The following TMEM132C variants were observed in gnomAD, a reference collection of about 807,000 sequenced individuals.
TMEM132C encodes transmembrane protein 132C.
Under a neutral mutation model 61.4 loss-of-function variants are expected in TMEM132C, and 29 were observed. The ratio of observed to expected loss-of-function variants is 0.47; its 90% CI spans 0.35 to 0.64. TMEM132C has a LOEUF of 0.64. Ranked by LOEUF, TMEM132C falls within the 30% of genes least tolerant of loss-of-function variation. TMEM132C has a pLI of 0.00. For missense variants in TMEM132C, 1,408 were observed against 1,476.9 expected (o/e 0.95, Z 0.76); for synonymous variants, 656 against 633.1 (o/e 1.04, Z -0.54).
chr12:128,383,399 C>G (rs1015715209), intron 1 of TMEM132C, among the ~76,000 whole-genome samples: 1 of 152,170 alleles, frequency 6.6e-6, no homozygotes, highest in Non-Finnish European at 1.5e-5. Context: ...GAAACACGCT[C>G]CGGGTGCTAA....
intron 1 of TMEM132C, among the ~76,000 whole-genome samples, chr12:128,290,993 T>C: frequency 6.6e-6 from 1 of 152,196 alleles, no homozygotes; most frequent in East Asian, 1.9e-4. Flanking sequence ...AAATGGAAGT[T>C]TACATCTTTT....
chr12:128,666,893 A>T (rs551035112), intron 4 of TMEM132C, among the ~76,000 whole-genome samples: 1 of 152,226 alleles, frequency 6.6e-6, no homozygotes, highest in East Asian at 1.9e-4. Context: ...ACACGGTGAA[A>T]CCCCATCTCT....
At chr12:128,600,092 C>T (rs1793723271) in intron 3 of TMEM132C, among the ~76,000 whole-genome samples, 1 of 152,140 alleles carries the variant, frequency 6.6e-6, no homozygotes, top group African/African-American at 2.4e-5. Flanking sequence ...ACGCCATTCT[C>T]CTGCCTCAGC....
intron 1 of TMEM132C, among the ~76,000 whole-genome samples, chr12:128,316,306 A>G (rs1047157736): frequency 6.6e-6 from 1 of 152,138 alleles, no homozygotes; most frequent in Admixed American, 6.5e-5. Flanking sequence ...ACATCTTAGC[A>G]TTGCTGGCAA....
rs868697444 is a variant in TMEM132C at position 128,623,352 on chromosome 12, T to C, written c.1305+7017T>C. Among the ~76,000 whole-genome samples the C allele has an allele frequency of 9.6e-4, 146 of 151,892 alleles. 2 individuals carry two copies. The highest frequency in any genetic ancestry group is 3.2e-3 in the African/African-American group (132 of 41,354). ...GAAAGTAAAGCTATGTTCTGGCACA[T>C]GCATGCATATGTAACAAACCTGCAC... is the stretch of plus-strand genomic sequence containing the variant. On this transcript the variant is annotated intron_variant, in intron 4 of 8. Transcript: ENST00000435159.
chr12:128,682,312 G>C (rs2135641786), intron 5 of TMEM132C, among the ~76,000 whole-genome samples: 1 of 152,304 alleles, frequency 6.6e-6, no homozygotes, highest in Non-Finnish European at 1.5e-5. Context: ...TTTGTCGCCT[G>C]ATTGTTCCCT....
Position 128,576,148 on chromosome 12 carries a change from G to A in TMEM132C, c.1121+32045G>A, listed in dbSNP as rs540480538. ...TGCATGTCTGTAATCCCAGCTACTC[G>A]GGAGGGTGAGGCAGGAGAATCACCT... is the stretch of plus-strand genomic sequence containing the variant. On this transcript the variant is annotated intron_variant, in intron 3 of 8. Coordinates refer to ENST00000435159, the MANE Select transcript of TMEM132C (RefSeq NM_001136103.3). Among the ~76,000 whole-genome samples, 78 of 152,194 alleles carry A rather than the reference G, an allele frequency of 5.1e-4. 3 individuals are homozygous for A. In the South Asian group the frequency reaches 7.5e-3, roughly 15 times the overall value.
chr12:128,361,316 G>A (rs1873702467), intron 1 of TMEM132C, among the ~76,000 whole-genome samples: 2 of 152,280 alleles, frequency 1.3e-5, no homozygotes, highest in South Asian at 4.1e-4. Context: ...AAGGATGGGA[G>A]GATACTTGAA....
At chr12:128,336,841 C>T (rs1424564024) in intron 1 of TMEM132C, among the ~76,000 whole-genome samples, 1 of 152,184 alleles carries the variant, frequency 6.6e-6, no homozygotes, top group Non-Finnish European at 1.5e-5. Context: ...GGAGAGAGCT[C>T]ATCTGGGTGC....
chr12:128,693,973 G>T lies in TMEM132C; in HGVS notation c.1594G>T (p.Val532Phe), dbSNP rs1023317327. The change falls in exon 6 of 9, where the codon GTC becomes TTC. Residue 532 changes from valine to phenylalanine, a missense_variant. Coordinates refer to ENST00000435159, the MANE Select transcript of TMEM132C (RefSeq NM_001136103.3). ...WVPRLPLQIE[V>F]SDTELSQIKG... Reference sequence around the variant, plus strand: ...GCCCCGGCTGCCCCTGCAGATCGAGGTCTCTGACACGGAGCTCAGCCAGAT... The same window carrying T: ...GCCCCGGCTGCCCCTGCAGATCGAGTTCTCTGACACGGAGCTCAGCCAGAT... 2.1e-5 allele frequency: 33 copies of T among 1,551,632 alleles called. No homozygotes were observed. The Admixed American group carries it at 6.5e-4, about 30-fold the overall frequency.
intron 2 of TMEM132C, among the ~76,000 whole-genome samples, chr12:128,418,921 A>G (rs1333816250): frequency 1.3e-5 from 2 of 152,092 alleles, no homozygotes; most frequent in African/African-American, 4.8e-5. Flanking sequence ...TTTTTAAGGA[A>G]TACAGAGAAC....
At chr12:128,567,880 G>T (rs559769668) in intron 3 of TMEM132C, among the ~76,000 whole-genome samples, 43 of 152,330 alleles carry the variant, frequency 2.8e-4, no homozygotes, top group African/African-American at 9.6e-4. Flanking sequence ...TTGTGCATGG[G>T]CTGTGCTGAT....
chr12:128,499,133 C>CA (rs1169890534), intron 2 of TMEM132C, among the ~76,000 whole-genome samples: 2 of 152,202 alleles, frequency 1.3e-5, no homozygotes, highest in East Asian at 1.9e-4. Flanking sequence ...AATCTTACTA[C>CA]AATGCTACAG....
intron 3 of TMEM132C, among the ~76,000 whole-genome samples, chr12:128,584,716 C>G (rs1875475710): frequency 6.6e-6 from 1 of 152,220 alleles, no homozygotes; most frequent in South Asian, 2.1e-4. Context: ...TCAACTGGGT[C>G]CAGAAAGTCC....
chr12:128,571,531 C>G (rs1476190734), intron 3 of TMEM132C, among the ~76,000 whole-genome samples: 1 of 152,300 alleles, frequency 6.6e-6, no homozygotes, highest in South Asian at 2.1e-4. Context: ...ACGGAAGCTC[C>G]GTACCCATTA....
intron 3 of TMEM132C, among the ~76,000 whole-genome samples, chr12:128,552,865 A>G (rs1874216344): frequency 6.6e-6 from 1 of 152,220 alleles, no homozygotes; most frequent in Non-Finnish European, 1.5e-5. Context: ...CCAAGATCAC[A>G]CCAGTACACT....
chr12:128,569,999 G>T (rs574949533), intron 3 of TMEM132C, among the ~76,000 whole-genome samples: 2 of 152,168 alleles, frequency 1.3e-5, no homozygotes, highest in Non-Finnish European at 2.9e-5. Context: ...CACTTTCGAT[G>T]CTCTTTTATT....
chr12:128,420,563 G>A (rs548689922), intron 2 of TMEM132C, among the ~76,000 whole-genome samples: 23 of 152,322 alleles, frequency 1.5e-4, no homozygotes, highest in South Asian at 6.2e-4. Flanking sequence ...GGGGATTACC[G>A]GAAGGTTTTG....
At chr12:128,312,883 G>A (rs974067326) in intron 1 of TMEM132C, among the ~76,000 whole-genome samples, 1 of 152,228 alleles carries the variant, frequency 6.6e-6, no homozygotes, top group African/African-American at 2.4e-5. Flanking sequence ...GCTGCACTCA[G>A]CTTGCCTCCC....
Sources: allele counts gnomAD v4.1 joint callset (sites outside exome capture counted in the v4.1 genomes callset), GRCh38; gene constraint gnomAD v4.1.1; transcripts MANE v1.5; gene names NCBI Gene and HGNC (gene_info 2026-07-23, HGNC 2026-07-21).